The following SAMMSON variants were observed in gnomAD, a reference collection of about 807,000 sequenced individuals.
The protein encoded by SAMMSON is long intergenic non-protein coding RNA 1212.
chr3:70,349,373 TA>T (rs1018102443), intron 7 of SAMMSON, among the ~76,000 whole-genome samples: 33 of 149,180 alleles, frequency 2.2e-4, no homozygotes, highest in East Asian at 2.2e-3. Context: ...AACTCGGTCT[TA>T]AAAAAAAAAT....
intron 4 of SAMMSON, among the ~76,000 whole-genome samples, chr3:70,112,879 T>G (rs978299923): frequency 9.2e-5 from 14 of 152,278 alleles, no homozygotes; most frequent in Non-Finnish European, 1.9e-4. Flanking sequence ...CCCAGAGTGC[T>G]TCGAATGAGG....
At chr3:70,042,045 C>T (rs968882649) in intron 3 of SAMMSON, among the ~76,000 whole-genome samples, 10 of 152,036 alleles carry the variant, frequency 6.6e-5, no homozygotes, top group Middle Eastern at 3.2e-3. Context: ...GATGGATCTC[C>T]GTCTACTCTG....
At chr3:70,045,194 A>G (rs1339786763) in intron 3 of SAMMSON, among the ~76,000 whole-genome samples, 1 of 138,662 alleles carries the variant, frequency 7.2e-6, no homozygotes, top group Non-Finnish European at 1.5e-5. Flanking sequence ...TAATTATAAT[A>G]TTAATTATAA....
At chr3:70,035,234 G>A (rs1253292593) in intron 3 of SAMMSON, among the ~76,000 whole-genome samples, 3 of 152,028 alleles carry the variant, frequency 2.0e-5, no homozygotes, top group Non-Finnish European at 4.4e-5. Flanking sequence ...CTATTCCTTA[G>A]GGCTGTCCAC....
intron 4 of SAMMSON, among the ~76,000 whole-genome samples, chr3:70,079,636 G>A (rs186533474): frequency 6.6e-6 from 1 of 152,310 alleles, no homozygotes; most frequent in East Asian, 1.9e-4. Context: ...GCTAATGTAA[G>A]TGTTCTGAGC....
At chr3:70,114,441 C>T (rs1418422117) in intron 4 of SAMMSON, among the ~76,000 whole-genome samples, 1 of 152,168 alleles carries the variant, frequency 6.6e-6, no homozygotes. Context: ...GTGAAGTAGA[C>T]ACACATAAGT....
intron 4 of SAMMSON, among the ~76,000 whole-genome samples, chr3:70,149,168 A>G (rs2067561643): frequency 6.6e-6 from 1 of 152,104 alleles, no homozygotes; most frequent in South Asian, 2.1e-4. Context: ...ATTTATTTTT[A>G]AAATCTTTCT....
chr3:70,220,263 G>A (rs924397456), intron 4 of SAMMSON, among the ~76,000 whole-genome samples: 2 of 151,774 alleles, frequency 1.3e-5, no homozygotes, highest in Admixed American at 6.6e-5. Context: ...AAAATATGCC[G>A]CATTAAAAAA....
downstream of SAMMSON, among the ~76,000 whole-genome samples, chr3:70,394,617 A>C (rs1387051492): frequency 6.6e-6 from 1 of 152,202 alleles, no homozygotes; most frequent in Admixed American, 6.6e-5. Context: ...ATGGTTGTGC[A>C]GCAGTGTGCC....
At chr3:70,169,999 A>G (rs143635986) in intron 4 of SAMMSON, among the ~76,000 whole-genome samples, 29 of 152,056 alleles carry the variant, frequency 1.9e-4, no homozygotes, top group African/African-American at 3.1e-4. Context: ...TAGTTCATCA[A>G]ATGGAATGGG....
chr3:70,411,727 G>C (rs1701220852), intron 2 of SAMMSON, among the ~76,000 whole-genome samples: 1 of 152,146 alleles, frequency 6.6e-6, no homozygotes, highest in African/African-American at 2.4e-5. Flanking sequence ...TGCATGCACT[G>C]TCTTGCCAGC....
intron 4 of SAMMSON, among the ~76,000 whole-genome samples, chr3:70,164,487 C>T (rs970850892): frequency 6.6e-6 from 1 of 152,178 alleles, no homozygotes; most frequent in East Asian, 1.9e-4. Context: ...TGCATGAATT[C>T]TGTAAACCTT....
intron 7 of SAMMSON, among the ~76,000 whole-genome samples, chr3:70,308,944 G>A (rs1702430295): frequency 6.6e-6 from 1 of 152,164 alleles, no homozygotes; most frequent in South Asian, 2.1e-4. Context: ...CATTTTAACA[G>A]TGAGCAGTGT....
intron 4 of SAMMSON, among the ~76,000 whole-genome samples, chr3:70,130,148 A>G (rs965311227): frequency 1.3e-5 from 2 of 152,186 alleles, no homozygotes; most frequent in Non-Finnish European, 2.9e-5. Flanking sequence ...CTGTCCCACC[A>G]TTGAATGTTG....
At chr3:70,382,907 AG>A (rs1440008686) in intron 9 of SAMMSON, among the ~76,000 whole-genome samples, 1 of 152,128 alleles carries the variant, frequency 6.6e-6, no homozygotes, top group Non-Finnish European at 1.5e-5. Flanking sequence ...GGTTAGTTTA[AG>A]GGAAAATTTG....
chr3:70,122,348 A>T (rs957377191), intron 4 of SAMMSON, among the ~76,000 whole-genome samples: 11 of 152,038 alleles, frequency 7.2e-5, no homozygotes, highest in African/African-American at 1.4e-4. Flanking sequence ...GTGTCCACTA[A>T]GCCCAGCTAA....
chr3:70,152,784 A>G lies in SAMMSON; in HGVS notation n.507+81219A>G, dbSNP rs1351493973. Among the ~76,000 whole-genome samples the G allele has an allele frequency of 2.6e-5, 4 of 152,186 alleles. No individual in the cohort carries two copies. In the East Asian group the frequency reaches 7.7e-4, roughly 29 times the overall value. Reference sequence around the variant, plus strand: ...CTGGTAGAGTAGAAGGTATTGCTTCATGTTTAGACTTTTCCAGTGAAAATG... The same window carrying G: ...CTGGTAGAGTAGAAGGTATTGCTTCGTGTTTAGACTTTTCCAGTGAAAATG... On this transcript the variant is annotated intron_variant and non_coding_transcript_variant, in intron 4 of 9. Coordinates refer to ENST00000642114, the Ensembl canonical transcript of SAMMSON.
intron 9 of SAMMSON, among the ~76,000 whole-genome samples, chr3:70,364,251 A>G (rs1307256139): frequency 6.6e-6 from 1 of 152,018 alleles, no homozygotes; most frequent in Non-Finnish European, 1.5e-5. Context: ...AGTTTCATCA[A>G]TAAAGGTTCA....
At chr3:70,156,166 C>T (rs748149683) in intron 4 of SAMMSON, among the ~76,000 whole-genome samples, 1 of 151,954 alleles carries the variant, frequency 6.6e-6, no homozygotes, top group Admixed American at 6.6e-5. Flanking sequence ...AAGATGAAAT[C>T]GACTAACCAG....
Sources: allele counts gnomAD v4.1 joint callset (sites outside exome capture counted in the v4.1 genomes callset), GRCh38; gene constraint gnomAD v4.1.1; transcripts MANE v1.5; gene names NCBI Gene and HGNC (gene_info 2026-07-23, HGNC 2026-07-21).